The following SAP30 variants were observed in gnomAD, a reference collection of about 807,000 sequenced individuals.
SAP30 encodes histone deacetylase complex subunit SAP30.
In SAP30, 13 loss-of-function variants were observed where a neutral mutation model predicts 19.6. That is an observed-to-expected ratio of 0.66 (90% CI 0.43 to 1.05). The LOEUF (loss-of-function observed/expected upper bound fraction) is 1.05, where lower values mean the gene tolerates loss of function less well. Among genes scored for constraint, SAP30 ranks in the 50% least tolerant of loss-of-function variants. SAP30 has a pLI of 0.00. For missense variants in SAP30, 257 were observed against 292.1 expected (o/e 0.88, Z 0.88); for synonymous variants, 108 against 122.7 (o/e 0.88, Z 0.79).
rs779519800 is a variant in SAP30 at position 173,371,377 on chromosome 4, A to G, written c.195A>G (p.Gln65=). ...GGGCGGCCGGGCCGGGCCCCGGGCA[A>G]CTGTGCTGCCTGCGGGAGGATGGTG... ...PPGAAGPGPG[Q]LCCLREDGER... is the part of the protein sequence containing the mutation. The change falls in exon 1 of 4, where the codon CAA becomes CAG. Residue 65 remains glutamine, a synonymous_variant. Transcript: ENST00000296504. This position sits in a 1 kb window ranked among gnomAD's most constrained non-coding sequence, Gnocchi z 6.4. 1 of 1,554,674 alleles carries G rather than the reference A, an allele frequency of 6.4e-7. No individual in the cohort carries two copies. Among genetic ancestry groups the G allele is most frequent in the South Asian group, 1.1e-5 (1 of 88,828 alleles).
Position 173,371,133 on chromosome 4 carries a change from GC to G in SAP30, c.-48del. The G allele has an allele frequency of 7.0e-7, 1 of 1,425,972 alleles. No individual in the cohort carries two copies. The highest frequency in any genetic ancestry group is 9.2e-7 in the Non-Finnish European group (1 of 1,087,696). The allele number at this position is 1,425,972 out of a possible 1,614,324, so 88.3% of individuals were successfully genotyped here. ...TGCCGGAGCGGAGAGAGGCGGAGCGGCCAGGAGAGAGGGGATTTCTGTCAGC... is the reference window on the plus strand; with the variant it reads ...TGCCGGAGCGGAGAGAGGCGGAGCGGCAGGAGAGAGGGGATTTCTGTCAGC... On this transcript the variant is annotated 5_prime_UTR_variant, in exon 1 of 4. Transcript: ENST00000296504. This position sits in a 1 kb window ranked among gnomAD's most constrained non-coding sequence, Gnocchi z 6.4.
At chr4:173,374,078 C>T (rs371362067) in intron 3 of SAP30, 41 bp downstream of exon 3, 2 of 1,098,520 alleles carry the variant, frequency 1.8e-6, no homozygotes, top group African/African-American at 1.6e-5. Flanking sequence ...TCTGCACAAC[C>T]GAGAGGTTAT....
At chr4:173,374,885 C>G (rs963717285) in intron 3 of SAP30, among the ~76,000 whole-genome samples, 2 of 151,824 alleles carry the variant, frequency 1.3e-5, no homozygotes, top group African/African-American at 4.8e-5. Flanking sequence ...TTTTCTTTTA[C>G]CCAAGCTTTT....
rs553287835 is a variant in SAP30, at chr4:173,374,120, T to C, written c.540+83T>C. 1.2e-4 allele frequency: 75 copies of C among 651,840 alleles called. No individual in the cohort carries two copies. The Middle Eastern group carries it at 2.0e-3, about 18-fold the overall frequency. The allele number at this position is 651,840 out of a possible 1,614,324, so 40.4% of individuals were successfully genotyped here. A position where few individuals can be genotyped will look rare whatever the true frequency, so the allele number is the denominator to read the frequency against. The stretch of plus-strand genomic sequence containing the variant: ...CTAATGGAAGTTTTAATGTAGTGTA[T>C]GTAACAGTACATTTTAATTAGAAAG... On this transcript the variant is annotated intron_variant, in intron 3 of 3. Transcript: ENST00000296504.
At chr4:173,372,415 G>T (rs1738957877) in intron 1 of SAP30, among the ~76,000 whole-genome samples, 1 of 152,060 alleles carries the variant, frequency 6.6e-6, no homozygotes, top group African/African-American at 2.4e-5. Context: ...GACACTTTTT[G>T]CCCGTTTAAA....
rs1194932500 is a variant in SAP30 at position 173,371,261 on chromosome 4, G to A, written c.79G>A (p.Ala27Thr). The change falls in exon 1 of 4, where the codon GCC becomes ACC. Residue 27 changes from alanine to threonine, a missense_variant. Transcript: ENST00000296504. This position sits in a 1 kb window ranked among gnomAD's most constrained non-coding sequence, Gnocchi z 6.4. ...AAVAAVVAAAAAAASAGNGTG... is the reference protein window; with the variant it reads ...AAVAAVVAAATAAASAGNGTG... The stretch of plus-strand genomic sequence containing the variant: ...AGTGGCCGCAGTGGTCGCTGCCGCG[G>A]CCGCCGCCGCCTCGGCGGGGAACGG... The A allele has an allele frequency of 1.1e-5, 14 of 1,259,976 alleles. No homozygotes were observed. The highest frequency in any genetic ancestry group is 3.9e-5 in the East Asian group (1 of 25,678). 78.0% of individuals were successfully genotyped at this position (1,259,976 alleles called of 1,614,324 possible). A position where few individuals can be genotyped will look rare whatever the true frequency, so the allele number is the denominator to read the frequency against.
chr4:173,371,178 G>A lies in SAP30; in HGVS notation c.-5G>A. The A allele has an allele frequency of 1.3e-6, 2 of 1,491,490 alleles. No individual in the cohort carries two copies. The highest frequency in any genetic ancestry group is 1.8e-6 in the Non-Finnish European group (2 of 1,127,028). 92.4% of individuals were successfully genotyped at this position (1,491,490 alleles called of 1,614,324 possible). ...TGTCAGCGCCGGCCTCGGGAGCTCG[G>A]AGACATGAACGGCTTCACGCCTGAC... On this transcript the variant is annotated 5_prime_UTR_variant, in exon 1 of 4. Coordinates refer to ENST00000296504, the MANE Select transcript of SAP30 (RefSeq NM_003864.4). The surrounding 1 kb of genome is among the most constrained non-coding windows in gnomAD (Gnocchi z 6.4).
rs1006784497 is a variant in SAP30, at chr4:173,371,240, G to T, written c.58G>T (p.Ala20Ser). The change falls in exon 1 of 4, where the codon GCC becomes TCC. Residue 20 changes from alanine (A) to serine (S), a missense_variant. Ala to Ser is a moderately conservative substitution (Grantham distance 99, BLOSUM62 1). Transcript: ENST00000296504. The surrounding 1 kb of genome is among the most constrained non-coding windows in gnomAD (Gnocchi z 6.4). Reference protein sequence around the residue: ...SRGGDAAAAVAAVVAAAAAAA... With the variant: ...SRGGDAAAAVSAVVAAAAAAA... The stretch of plus-strand genomic sequence containing the variant: ...CGGCGGGGATGCGGCCGCCGCAGTG[G>T]CCGCAGTGGTCGCTGCCGCGGCCGC... 7.1e-7 allele frequency: 1 copy of T among 1,408,638 alleles called. No homozygotes were observed. The highest frequency in any genetic ancestry group is 1.5e-5 in the African/African-American group (1 of 66,282). 87.3% of individuals were successfully genotyped at this position (1,408,638 alleles called of 1,614,324 possible).
rs77613305 is a variant in SAP30 at position 173,374,279 on chromosome 4, T to G, written c.540+242T>G. 2.8e-3 allele frequency among the ~76,000 whole-genome samples: 433 copies of G among 152,232 alleles called. 2 individuals carry two copies. The highest frequency in any genetic ancestry group is 9.3e-3 in the African/African-American group (385 of 41,530). On this transcript the variant is annotated intron_variant, in intron 3 of 3. Transcript: ENST00000296504. ...CCTTCTGATACTGGCTTTCAAAATG[T>G]GTTGATTGTTTTTTGAGACAGAATC...
intron 3 of SAP30, among the ~76,000 whole-genome samples, chr4:173,375,016 G>A (rs1303831665): frequency 2.0e-5 from 1 of 50,730 alleles, no homozygotes; most frequent in Non-Finnish European, 5.1e-5. Context: ...TTATTAAGAT[G>A]TTTATAGATT....
At chr4:173,372,422 T>G (rs1200665576) in intron 1 of SAP30, among the ~76,000 whole-genome samples, 1 of 152,256 alleles carries the variant, frequency 6.6e-6, no homozygotes, top group Non-Finnish European at 1.5e-5. Flanking sequence ...TTTGCCCGTT[T>G]AAACAGTTTT....
intron 3 of SAP30, among the ~76,000 whole-genome samples, chr4:173,376,998 G>C (rs1289047197): frequency 6.6e-6 from 1 of 152,020 alleles, no homozygotes; most frequent in Non-Finnish European, 1.5e-5. Flanking sequence ...GGGTCAAAGG[G>C]TCCTTTGAAA....
chr4:173,373,894 TCAA>T, intron 2 of SAP30, 42 bp from the exon 3 acceptor site: 1 of 949,270 alleles, frequency 1.1e-6, no homozygotes, highest in Non-Finnish European at 1.6e-6. Flanking sequence ...TGATAAATTT[TCAA>T]CAAATTGTAT....
At position 173,377,205 on chromosome 4, in the gene SAP30, A is replaced by G; in HGVS notation, c.541A>G (p.Ile181Val). Reference protein sequence around the residue: ...PGLNKAQLVEIVGCHFRSIPV... With the variant: ...PGLNKAQLVEVVGCHFRSIPV... ...TCCTTAATTTTTCTTTTCTTTGTAGATAGTTGGTTGCCACTTTAGGTCTAT... is the reference window on the plus strand; with the variant it reads ...TCCTTAATTTTTCTTTTCTTTGTAGGTAGTTGGTTGCCACTTTAGGTCTAT... Residue 181 changes from isoleucine to valine, a missense_variant and splice_region_variant, in exon 4 of 4, where the codon ATA becomes GTA. Coordinates refer to ENST00000296504, the MANE Select transcript of SAP30 (RefSeq NM_003864.4). 6.4e-7 allele frequency: 1 copy of G among 1,572,140 alleles called. No homozygotes were observed. Among genetic ancestry groups the G allele is most frequent in the Non-Finnish European group, 8.6e-7 (1 of 1,163,460 alleles).
At chr4:173,376,543 C>T (rs1739044277) in intron 3 of SAP30, among the ~76,000 whole-genome samples, 1 of 152,142 alleles carries the variant, frequency 6.6e-6, no homozygotes, top group South Asian at 2.1e-4. Context: ...TCTGTTTTAT[C>T]TCATTTAAAG....
intron 1 of SAP30, among the ~76,000 whole-genome samples, chr4:173,372,710 G>C (rs902034620): frequency 6.6e-6 from 1 of 152,260 alleles, no homozygotes; most frequent in East Asian, 1.9e-4. Context: ...TAGCAAAACT[G>C]TGAGCAACAT....
rs541855330 is a variant in SAP30 at position 173,370,985 on chromosome 4, C to T, written c.-198C>T. 1.1e-5 allele frequency: 4 copies of T among 375,044 alleles called. No individual in the cohort carries two copies. The highest frequency in any genetic ancestry group is 1.7e-5 in the Non-Finnish European group (4 of 238,398). 23.2% of individuals were successfully genotyped at this position (375,044 alleles called of 1,614,324 possible). A position where few individuals can be genotyped will look rare whatever the true frequency, so the allele number is the denominator to read the frequency against. Reference sequence around the variant, plus strand: ...CGGGGTCCCCGCTCCAGGAGACGCTCGAGTCTGCGTCCCGGCCCTCAGCAC... The same window carrying T: ...CGGGGTCCCCGCTCCAGGAGACGCTTGAGTCTGCGTCCCGGCCCTCAGCAC... On this transcript the variant is annotated 5_prime_UTR_variant, in exon 1 of 4. Transcript: ENST00000296504.
In SAP30 at chr4:173,371,128, G is replaced by A; in HGVS notation, c.-55G>A. On this transcript the variant is annotated 5_prime_UTR_variant, in exon 1 of 4. Transcript: ENST00000296504. The surrounding 1 kb of genome is among the most constrained non-coding windows in gnomAD (Gnocchi z 6.4). Reference sequence around the variant, plus strand: ...GCCGCTGCCGGAGCGGAGAGAGGCGGAGCGGCCAGGAGAGAGGGGATTTCT... The same window carrying A: ...GCCGCTGCCGGAGCGGAGAGAGGCGAAGCGGCCAGGAGAGAGGGGATTTCT... 1.4e-6 allele frequency: 2 copies of A among 1,407,200 alleles called. No homozygotes were observed. The highest frequency in any genetic ancestry group is 1.9e-6 in the Non-Finnish European group (2 of 1,079,938). 87.2% of individuals were successfully genotyped at this position (1,407,200 alleles called of 1,614,324 possible).
Position 173,371,233 on chromosome 4 carries a change from C to T in SAP30, c.51C>T (p.Ala17=). The T allele has an allele frequency of 2.8e-6, 4 of 1,407,366 alleles. No homozygotes were observed. Among genetic ancestry groups the T allele is most frequent in the Non-Finnish European group, 1.8e-6 (2 of 1,083,324 alleles). 87.2% of individuals were successfully genotyped at this position (1,407,366 alleles called of 1,614,324 possible). A position where few individuals can be genotyped will look rare whatever the true frequency, so the allele number is the denominator to read the frequency against. ...DEMSRGGDAA[A]AVAAVVAAAA... ...TGAGCCGCGGCGGGGATGCGGCCGC[C>T]GCAGTGGCCGCAGTGGTCGCTGCCG... Residue 17 remains alanine (A), a synonymous_variant, in exon 1 of 4, where the codon GCC becomes GCT. Transcript: ENST00000296504. This position sits in a 1 kb window ranked among gnomAD's most constrained non-coding sequence, Gnocchi z 6.4.
Sources: allele counts gnomAD v4.1 joint callset (sites outside exome capture counted in the v4.1 genomes callset), GRCh38; gene constraint gnomAD v4.1.1; non-coding constraint Gnocchi (gnomAD v3.1); transcripts MANE v1.5; gene names NCBI Gene and HGNC (gene_info 2026-07-23, HGNC 2026-07-21).